The following HLA-DQB1 variants were observed in gnomAD, a reference collection of about 807,000 sequenced individuals.
The protein encoded by HLA-DQB1 is major histocompatibility complex, class II, DQ beta 1.
In HLA-DQB1, 13 loss-of-function variants were observed where a neutral mutation model predicts 26.4. The ratio of observed to expected loss-of-function variants is 0.49; its 90% CI spans 0.32 to 0.78. The LOEUF (loss-of-function observed/expected upper bound fraction) is 0.78. Ranked by LOEUF, HLA-DQB1 falls within the 30% of genes least tolerant of loss-of-function variation. The pLI, the probability that HLA-DQB1 is intolerant of heterozygous loss-of-function variation, is 0.03. For synonymous variants in HLA-DQB1, 60 were observed against 129.1 expected (o/e 0.46, Z 3.63); for missense variants, 158 against 326.2 (o/e 0.48, Z 3.97).
intron 2 of HLA-DQB1, 77 bp downstream of exon 2, chr6:32,664,721 C>CAA (rs1221947287): frequency 0.19 from 89,154 of 479,644 alleles, 30,310 homozygotes; most frequent in South Asian, 0.34. Flanking sequence ...AGAGACCTCG[C>CAA]CCCCATCGCC....
intron 4 of HLA-DQB1, chr6:32,660,772 T>G (rs760653904): frequency 0.31 from 153,138 of 501,892 alleles, 27,654 homozygotes; most frequent in South Asian, 0.52. Flanking sequence ...GCCATGAACA[T>G]GGACCACTGT....
At chr6:32,665,662 G>A (rs1783985156) in intron 1 of HLA-DQB1, among the ~76,000 whole-genome samples, 1 of 142,812 alleles carries the variant, frequency 7.0e-6, no homozygotes, top group Non-Finnish European at 1.5e-5. Flanking sequence ...AAGAGCACAA[G>A]CTTTTGAATT....
intron 2 of HLA-DQB1, chr6:32,663,640 T>C (rs281874829): frequency 5.0e-5 from 5 of 100,770 alleles, no homozygotes; most frequent in Non-Finnish European, 1.2e-4. Flanking sequence ...TGCTAATCTC[T>C]AATGCACAGG....
intron 2 of HLA-DQB1, 42 bp downstream of exon 2, chr6:32,664,756 C>T (rs777119810): frequency 2.7e-6 from 2 of 754,188 alleles, no homozygotes; most frequent in Admixed American, 4.5e-5. Context: ...AACTCGGGGT[C>T]TCGGCCAAGG....
chr6:32,661,868 C>G (rs9273870), intron 3 of HLA-DQB1, 99 bp downstream of exon 3: 1 of 977,484 alleles, frequency 1.0e-6, no homozygotes, highest in Non-Finnish European at 1.5e-6. Context: ...TGATTCCCAG[C>G]TCAGTAGTGA....
chr6:32,665,115 C>G lies in HLA-DQB1; in HGVS notation c.110-48G>C, dbSNP rs281862008. On this transcript the variant is annotated intron_variant, in intron 1 of 4. Transcript: ENST00000434651. Reference sequence around the variant, plus strand: ...CAGTCAGGCCCCAGCCCGGCCGCCCCCGCAGCCGCCGCCCTGACCCGGCCT... The same window carrying G: ...CAGTCAGGCCCCAGCCCGGCCGCCCGCGCAGCCGCCGCCCTGACCCGGCCT... The G allele has an allele frequency of 3.9e-6, 4 of 1,032,594 alleles. 1 individual carries two copies. In the South Asian group the frequency reaches 5.2e-5, roughly 13 times the overall value. 64.0% of individuals were successfully genotyped at this position (1,032,594 alleles called of 1,614,324 possible).
intron 2 of HLA-DQB1, chr6:32,662,663 T>TA (rs41268292): frequency 0.17 from 11,894 of 69,396 alleles, 4,275 homozygotes; most frequent in Admixed American, 0.23. Flanking sequence ...CTGCTCATAG[T>TA]AAAAAAAATG....
chr6:32,666,412 C>T (rs9274511), intron 1 of HLA-DQB1, 87 bp downstream of exon 1: 51,421 of 493,468 alleles, frequency 0.1, 5,076 homozygotes, highest in African/African-American at 0.18. Context: ...TGTCCAAGAT[C>T]ATAGAGATCA....
At chr6:32,660,610 C>A in intron 4 of HLA-DQB1, 1 of 427,370 alleles carries the variant, frequency 2.3e-6, no homozygotes, top group Non-Finnish European at 4.2e-6. Context: ...GGGCATCATC[C>A]TAGTGTCTAA....
exon 3 of HLA-DQB1, chr6:32,662,172 T>C (rs9274003): frequency 7.1e-7 from 1 of 1,413,182 alleles, no homozygotes; most frequent in East Asian, 2.5e-5. Context: ...GATAGAAATC[T>C]GTCACCGAGC....
At chr6:32,664,943 C>T in exon 2 of HLA-DQB1, 1 of 1,357,542 alleles carries the variant, frequency 7.4e-7, no homozygotes, top group Non-Finnish European at 1.0e-6. Context: ...CCGCGCGGTA[C>T]ACCCCCACGT....
At chr6:32,666,560 T>C in exon 1 of HLA-DQB1, 2 of 1,199,750 alleles carry the variant, frequency 1.7e-6, no homozygotes, top group South Asian at 1.3e-5. Context: ...AGGTGACAGT[T>C]GCTACCCGAA....
chr6:32,664,731 C>G, intron 2 of HLA-DQB1, 67 bp downstream of exon 2: 1 of 612,698 alleles, frequency 1.6e-6, no homozygotes, highest in Non-Finnish European at 2.3e-6. Flanking sequence ...CCCCCATCGC[C>G]CCTCCCGGCA....
rs1784082212 is a variant in HLA-DQB1, at chr6:32,666,047, G to GTA, written c.109+451_109+452insTA. The stretch of plus-strand genomic sequence containing the variant: ...CCTCCACAAATGCTCCACTCGGTCA[G>GTA]GAATAGAGACAAATTTTCCTCAAAT... On this transcript the variant is annotated intron_variant, in intron 1 of 4. Coordinates refer to ENST00000434651, the Ensembl canonical transcript of HLA-DQB1. Among the ~76,000 whole-genome samples the GTA allele has an allele frequency of 2.7e-5, 3 of 111,122 alleles. No individual in the cohort carries two copies. The East Asian group carries it at 7.8e-4, about 29-fold the overall frequency. 72.9% of individuals were successfully genotyped at this position (111,122 alleles called of 152,430 possible).
chr6:32,660,820 C>T (rs41270883), intron 4 of HLA-DQB1: 196,196 of 1,150,778 alleles, frequency 0.17, 23,722 homozygotes, highest in Middle Eastern at 0.24. Flanking sequence ...CCCTCTTATA[C>T]CTGTGCCTCC....
At chr6:32,661,937 C>T in intron 3 of HLA-DQB1, 30 bp downstream of exon 3, 1 of 1,429,124 alleles carries the variant, frequency 7.0e-7, no homozygotes, top group Non-Finnish European at 9.5e-7. Flanking sequence ...CTTGTGGGCC[C>T]ATAGTAACAG....
In HLA-DQB1 at chr6:32,665,817, T is replaced by C. The variant is rs117844647; in HGVS notation, c.109+682A>G. 0.032 allele frequency among the ~76,000 whole-genome samples: 2,158 copies of C among 67,230 alleles called. 265 individuals are homozygous for C. The East Asian group carries it at 0.35, about 11-fold the overall frequency. 44.1% of individuals were successfully genotyped at this position (67,230 alleles called of 152,430 possible). A position where few individuals can be genotyped will look rare whatever the true frequency, so the allele number is the denominator to read the frequency against. ...GTTAGAAGGAGTGAGAGAGAAGTTA[T>C]ATAAAGTATTGTTCTGTCTGAAGTG... On this transcript the variant is annotated intron_variant, in intron 1 of 4. Coordinates refer to ENST00000434651, the Ensembl canonical transcript of HLA-DQB1.
chr6:32,666,297 C>T (rs2854260), intron 1 of HLA-DQB1, among the ~76,000 whole-genome samples: 27,174 of 143,314 alleles, frequency 0.19, 2,724 homozygotes, highest in Middle Eastern at 0.34. Context: ...CAGGCTTAAG[C>T]CTGTAGGATG....
chr6:32,666,628 C>T (rs1049053), exon 1 of HLA-DQB1: 431,638 of 735,046 alleles, frequency 0.59, 138,364 homozygotes, highest in East Asian at 0.84. Context: ...AAGGGAAAAG[C>T]AGTGGTAGTC....
Sources: allele counts gnomAD v4.1 joint callset (sites outside exome capture counted in the v4.1 genomes callset), GRCh38; gene constraint gnomAD v4.1.1; transcripts MANE v1.5; gene names NCBI Gene and HGNC (gene_info 2026-07-23, HGNC 2026-07-21).